The following ARX variants were observed in gnomAD, a reference collection of about 807,000 sequenced individuals.
ARX encodes the protein homeobox protein ARX.
Under a neutral mutation model 23.1 loss-of-function variants are expected in ARX, and 1 was observed. That is an observed-to-expected ratio of 0.04 (90% confidence interval 0.02 to 0.21). The LOEUF (loss-of-function observed/expected upper bound fraction) is 0.21, where lower values mean the gene tolerates loss of function less well. Ranked by LOEUF, ARX falls within the 10% of genes least tolerant of loss-of-function variation. ARX has a pLI of 1.00. For synonymous variants in ARX, 301 were observed against 270.1 expected, an observed-to-expected ratio of 1.11 and a Z score of -1.12; for missense variants, 380 against 527.5, an observed-to-expected ratio of 0.72 and a Z score of 2.74.
chrX:25,003,978 G>A lies in ARX; in HGVS notation c.*692C>T, dbSNP rs1006681318. 1.1e-5 allele frequency: 1 copy of A among 94,428 alleles called. No homozygotes were observed. The highest frequency in any genetic ancestry group is 2.2e-5 in the Non-Finnish European group (1 of 45,842). 7.8% of individuals were successfully genotyped at this position (94,428 alleles called of 1,213,427 possible). A position where few individuals can be genotyped will look rare whatever the true frequency, so the allele number is the denominator to read the frequency against. On this transcript the variant is annotated 3_prime_UTR_variant, in exon 5 of 5. Transcript: ENST00000379044. Reference sequence around the variant, plus strand: ...CGTTATAACATTTCAAATATACAAAGCTCTGTTCTTTTTTTTTTTTTTTTA... The same window carrying A: ...CGTTATAACATTTCAAATATACAAAACTCTGTTCTTTTTTTTTTTTTTTTA...
chrX:25,012,213 C>T (rs2048705152), intron 2 of ARX, among the ~76,000 whole-genome samples: 1 of 112,751 alleles, frequency 8.9e-6, no homozygotes, highest in Non-Finnish European at 1.9e-5. Context: ...ATTAAACGCA[C>T]GGTGGGTTTA....
chrX:25,012,869 G>A (rs2048707808), intron 2 of ARX, 53 bp downstream of exon 2: 1 of 1,179,222 alleles, frequency 8.5e-7, no homozygotes. Flanking sequence ...GTCCCTCCCT[G>A]GGGCCCGCGT....
At chrX:25,007,542 TCCACCGCGGCCCGCGC>T in intron 3 of ARX, 103 bp from the exon 4 acceptor site, 8 of 998,521 alleles carry the variant, frequency 8.0e-6, no homozygotes, top group Non-Finnish European at 9.1e-6. Flanking sequence ...CCCCTTCCTT[TCCACCGCGGCCCGCGC>T]CCACCTGCCC....
chrX:25,007,356 C>G lies in ARX; in HGVS notation c.1203G>C (p.Pro401=), dbSNP rs1213540255. ...AQTHPPGLPF[P]GPLSATHPLS... ...GCGGGTGGGTGGCGGAGAGCGGCCC[C>G]GGGAAGGGCAGCCCAGGGGGGTGGG... The change falls in exon 4 of 5, where the codon CCG becomes CCC. Residue 401 remains proline, a synonymous_variant. Transcript: ENST00000379044. The G allele has an allele frequency of 4.4e-6, 5 of 1,144,867 alleles. No individual in the cohort carries two copies. Among genetic ancestry groups the G allele is most frequent in the East Asian group, 6.8e-5 (2 of 29,238 alleles). 94.3% of individuals were successfully genotyped at this position (1,144,867 alleles called of 1,213,427 possible).
At position 25,004,260 on chromosome X, in the gene ARX, T is replaced by TA. The variant is rs773507925; in HGVS notation, c.*409dup. On this transcript the variant is annotated 3_prime_UTR_variant, in exon 5 of 5. Transcript: ENST00000379044. ...CAACTTCGAGCGCCAAAATGCTATT[T>TA]AAAAAAAAAAAAGAAAGAAAGAAAG... 7.1e-3 allele frequency: 902 copies of TA among 127,768 alleles called. No homozygotes were observed. The highest frequency in any genetic ancestry group is 0.011 in the South Asian group (50 of 4,732). The allele number at this position is 127,768 out of a possible 1,213,427, so 10.5% of individuals were successfully genotyped here.
intron 3 of ARX, 104 bp from the exon 4 acceptor site, chrX:25,007,543 C>G: frequency 4.1e-6 from 4 of 986,183 alleles, no homozygotes; most frequent in Non-Finnish European, 5.3e-6. Flanking sequence ...CCCTTCCTTT[C>G]CACCGCGGCC....
chrX:25,009,217 C>G (rs1291146424), intron 3 of ARX, among the ~76,000 whole-genome samples: 1 of 111,773 alleles, frequency 8.9e-6, no homozygotes, highest in Non-Finnish European at 1.9e-5. Flanking sequence ...ACCTCTGAGG[C>G]CCCCCAAAGG....
rs797045294 is a variant in ARX, at chrX:25,013,695, C to T, written c.300G>A (p.Ala100=). 4.7e-5 allele frequency: 42 copies of T among 888,972 alleles called. No individual in the cohort carries two copies. The South Asian group carries it at 2.2e-3, about 46-fold the overall frequency. 73.3% of individuals were successfully genotyped at this position (888,972 alleles called of 1,213,427 possible). A position where few individuals can be genotyped will look rare whatever the true frequency, so the allele number is the denominator to read the frequency against. Residue 100 remains alanine (A), a synonymous_variant, in exon 2 of 5, where the codon GCG becomes GCA. Transcript: ENST00000379044. ...GPGGGRLLQG[A]AAAAAAAAAA... ...CCGCCGCCGCCGCCGCCGCCGCTGCCGCACCCTGAAGGAGGCGGCCCCCGC... is the reference window on the plus strand; with the variant it reads ...CCGCCGCCGCCGCCGCCGCCGCTGCTGCACCCTGAAGGAGGCGGCCCCCGC...
chrX:25,009,991 G>A (rs984945970), intron 3 of ARX, among the ~76,000 whole-genome samples: 1 of 111,286 alleles, frequency 9.0e-6, no homozygotes, highest in Non-Finnish European at 1.9e-5. Context: ...CCAAACTGCA[G>A]TCTCAGGGAC....
chrX:25,015,951 G>T lies in ARX; in HGVS notation c.-214C>A, dbSNP rs1248003001. ...CGCCCTCTCCGCGCTCAGGACAAGC[G>T]GTAACAAGTGTAGTGAGCAGCGGGC... On this transcript the variant is annotated 5_prime_UTR_variant, in exon 1 of 5. Coordinates refer to ENST00000379044, the MANE Select transcript of ARX (RefSeq NM_139058.3). 11 of 448,292 alleles carry T rather than the reference G, an allele frequency of 2.5e-5. No individual in the cohort carries two copies. Among genetic ancestry groups the T allele is most frequent in the Non-Finnish European group, 4.3e-5 (11 of 255,179 alleles). 36.9% of individuals were successfully genotyped at this position (448,292 alleles called of 1,213,427 possible). A position where few individuals can be genotyped will look rare whatever the true frequency, so the allele number is the denominator to read the frequency against.
intron 1 of ARX, among the ~76,000 whole-genome samples, chrX:25,014,350 TCAC>T (rs758509267): frequency 4.2e-4 from 47 of 112,110 alleles, no homozygotes; most frequent in African/African-American, 1.5e-3. Flanking sequence ...TAAAAGAAAA[TCAC>T]CACTATCCTG....
chrX:25,010,194 C>CCACAA, intron 3 of ARX, 66 bp downstream of exon 3: 1 of 1,109,943 alleles, frequency 9.0e-7, no homozygotes. Flanking sequence ...GCCACCAACC[C>CCACAA]ATCTCTCTCT....
chrX:25,010,167 A>ACCCCCCCCC, intron 3 of ARX, 93 bp downstream of exon 3: 1 of 867,200 alleles, frequency 1.2e-6, no homozygotes, highest in Non-Finnish European at 1.7e-6. Flanking sequence ...AGGGGATCTC[A>ACCCCCCCCC]CCCCCCGCAC....
At chrX:25,008,693 A>G (rs1265780190) in intron 3 of ARX, among the ~76,000 whole-genome samples, 4 of 112,487 alleles carry the variant, frequency 3.6e-5, no homozygotes, top group African/African-American at 1.3e-4. Context: ...GAGTTATATT[A>G]AAATATAATG....
rs899751488 is a variant in ARX, at chrX:25,015,936, G to A, written c.-199C>T. ...CCCGCGGCCCGAGCTCGCCCTCTCC[G>A]CGCTCAGGACAAGCGGTAACAAGTG... On this transcript the variant is annotated 5_prime_UTR_variant, in exon 1 of 5. Coordinates refer to ENST00000379044, the MANE Select transcript of ARX (RefSeq NM_139058.3). The A allele has an allele frequency of 4.3e-6, 2 of 468,051 alleles. No homozygotes were observed. The highest frequency in any genetic ancestry group is 4.8e-5 in the African/African-American group (2 of 41,743). The allele number at this position is 468,051 out of a possible 1,213,427, so 38.6% of individuals were successfully genotyped here. A position where few individuals can be genotyped will look rare whatever the true frequency, so the allele number is the denominator to read the frequency against.
Position 25,013,655 on chromosome X carries a change from C to T in ARX, c.340G>A (p.Ala114Thr). 1.3e-6 allele frequency: 1 copy of T among 769,701 alleles called. No individual in the cohort carries two copies. Among genetic ancestry groups the T allele is most frequent in the Non-Finnish European group, 1.5e-6 (1 of 652,071 alleles). The allele number at this position is 769,701 out of a possible 1,213,427, so 63.4% of individuals were successfully genotyped here. ...CGTGGACCCGCCGTGGCCGTGGCGG[C>T]CGCTGCCGCCGCCGCCGCCGCCGCC... ...AAAAAAAAAAAATATAGPRGE... is the reference protein window; with the variant it reads ...AAAAAAAAAATATATAGPRGE... Residue 114 changes from alanine (A) to threonine (T), a missense_variant, in exon 2 of 5, where the codon GCC becomes ACC. Ala to Thr is a moderately conservative substitution (Grantham distance 58). Transcript: ENST00000379044.
chrX:25,010,032 T>C (rs776797478), intron 3 of ARX, among the ~76,000 whole-genome samples: 9 of 111,532 alleles, frequency 8.1e-5, no homozygotes, highest in Non-Finnish European at 1.3e-4. Flanking sequence ...CCTGGACTCC[T>C]TCCTTGGGCT....
rs2048668543 is a variant in ARX at position 25,004,639 on chromosome X, G to A, written c.*31C>T. On this transcript the variant is annotated 3_prime_UTR_variant, in exon 5 of 5. Transcript: ENST00000379044. ...GCTGAGTGAGGTGACCTTTCGGGGC[G>A]CGCGCGGGGCGCGGGTGTGGAGGGC... The A allele has an allele frequency of 8.6e-7, 1 of 1,163,753 alleles. No homozygotes were observed. The highest frequency in any genetic ancestry group is 1.1e-6 in the Non-Finnish European group (1 of 872,639).
rs1389460570 is a variant in ARX at position 25,013,638 on chromosome X, C to CGCCGTGGCCGTGGCG, written c.342_356dup (p.Ala115_Ala119dup). 1 of 758,659 alleles carries CGCCGTGGCCGTGGCG rather than the reference C, an allele frequency of 1.3e-6. No homozygotes were observed. Among genetic ancestry groups the CGCCGTGGCCGTGGCG allele is most frequent in the Non-Finnish European group, 1.5e-6 (1 of 645,308 alleles). The allele number at this position is 758,659 out of a possible 1,213,427, so 62.5% of individuals were successfully genotyped here. On this transcript the variant is annotated inframe_insertion, in exon 2 of 5. Transcript: ENST00000379044. ...GCGGAGGGGCCTCCCCGCGTGGACC[C>CGCCGTGGCCGTGGCG]GCCGTGGCCGTGGCGGCCGCTGCCG... is the stretch of plus-strand genomic sequence containing the variant.
Sources: allele counts gnomAD v4.1 joint callset (sites outside exome capture counted in the v4.1 genomes callset), GRCh38; gene constraint gnomAD v4.1.1; transcripts MANE v1.5; gene names NCBI Gene and HGNC (gene_info 2026-07-23, HGNC 2026-07-21).